Variants in ZNF804B observed in about 807,000 individuals in gnomAD.
The protein encoded by ZNF804B is zinc finger protein 804B, also known as zinc finger 804B.
In ZNF804B, 80 loss-of-function variants were observed where a neutral mutation model predicts 101.4. The observed-to-expected ratio is 0.79, with a 90% CI of 0.66 to 0.95. The LOEUF (loss-of-function observed/expected upper bound fraction) is 0.95, where lower values mean the gene tolerates loss of function less well. Ranked by LOEUF, ZNF804B falls within the 40% of genes least tolerant of loss-of-function variation. The probability of loss-of-function intolerance (pLI) is 0.00; values close to 1 mark genes in which losing one functional copy is unlikely to be tolerated. For missense variants in ZNF804B, 1,673 were observed against 1,561.9 expected, an observed-to-expected ratio of 1.07 and a Z score of -1.20; for synonymous variants, 622 against 558.8, an observed-to-expected ratio of 1.11 and a Z score of -1.59.
chr7:89,278,033 A>G (rs1376139954), intron 2 of ZNF804B, among the ~76,000 whole-genome samples: 1 of 152,088 alleles, frequency 6.6e-6, no homozygotes, highest in Non-Finnish European at 1.5e-5. Context: ...CTTTGTAATG[A>G]TTGCCATTCT....
At chr7:89,062,913 T>C (rs1183698081) in intron 1 of ZNF804B, among the ~76,000 whole-genome samples, 1 of 152,164 alleles carries the variant, frequency 6.6e-6, no homozygotes, top group East Asian at 1.9e-4. Flanking sequence ...GAATAGAAGC[T>C]TAATAGTGGA....
chr7:88,918,117 A>G (rs1470380584), intron 1 of ZNF804B, among the ~76,000 whole-genome samples: 1 of 152,172 alleles, frequency 6.6e-6, no homozygotes, highest in Non-Finnish European at 1.5e-5. Flanking sequence ...CTTCATTTAG[A>G]GAATCTGAAA....
intron 2 of ZNF804B, among the ~76,000 whole-genome samples, chr7:89,280,410 G>T (rs1790072197): frequency 6.6e-6 from 1 of 151,852 alleles, no homozygotes; most frequent in South Asian, 2.1e-4. Context: ...ACTAAAATCA[G>T]AGCAGAACTG....
intron 1 of ZNF804B, among the ~76,000 whole-genome samples, chr7:88,854,811 G>C (rs890512427): frequency 7.7e-6 from 1 of 129,834 alleles, no homozygotes; most frequent in African/African-American, 3.1e-5. Flanking sequence ...GTGTCCATGT[G>C]TTCTCAGTGT....
intron 1 of ZNF804B, chr7:88,795,049 G>T: frequency 3.3e-6 from 3 of 906,046 alleles, no homozygotes; most frequent in Non-Finnish European, 4.5e-6. Context: ...TATTTCTTCT[G>T]ACAAAAAAAA....
chr7:88,963,608 C>A (rs899019939), intron 1 of ZNF804B, among the ~76,000 whole-genome samples: 1 of 151,274 alleles, frequency 6.6e-6, no homozygotes, highest in African/African-American at 2.4e-5. Flanking sequence ...TTTATAATTG[C>A]ATTTGCCTGT....
intron 1 of ZNF804B, among the ~76,000 whole-genome samples, chr7:89,033,523 T>C (rs1007433682): frequency 9.9e-5 from 15 of 152,156 alleles, no homozygotes; most frequent in African/African-American, 3.4e-4. Context: ...TTTAGTATTT[T>C]GTGGAACCTA....
At chr7:89,037,683 C>T (rs952059733) in intron 1 of ZNF804B, among the ~76,000 whole-genome samples, 2 of 151,932 alleles carry the variant, frequency 1.3e-5, no homozygotes, top group Admixed American at 6.6e-5. Context: ...GTTCTACTCT[C>T]TTTGTAAATT....
intron 1 of ZNF804B, among the ~76,000 whole-genome samples, chr7:89,091,804 A>C (rs141771817): frequency 1.2e-3 from 181 of 152,240 alleles, no homozygotes; most frequent in African/African-American, 4.1e-3. Flanking sequence ...TGATACTATG[A>C]GTTTCAGAGG....
At chr7:88,812,188 G>A (rs1790800576) in intron 1 of ZNF804B, among the ~76,000 whole-genome samples, 1 of 152,100 alleles carries the variant, frequency 6.6e-6, no homozygotes, top group African/African-American at 2.4e-5. Flanking sequence ...CCATCCCTAT[G>A]AATCCAAGGA....
rs568073458 is a variant in ZNF804B, at chr7:89,234,789, T to G, written c.249+16494T>G. On this transcript the variant is annotated intron_variant, in intron 2 of 3. Coordinates refer to ENST00000333190, the MANE Select transcript of ZNF804B (RefSeq NM_181646.5). ...GACTTGAATTAGCAGCCTCCTGGGGTCTCTCGGGTGTTCAGCCTCAGACTG... is the reference window on the plus strand; with the variant it reads ...GACTTGAATTAGCAGCCTCCTGGGGGCTCTCGGGTGTTCAGCCTCAGACTG... Among the ~76,000 whole-genome samples the G allele has an allele frequency of 7.2e-5, 11 of 152,184 alleles. No individual in the cohort carries two copies. The South Asian group carries it at 2.3e-3, about 32-fold the overall frequency.
chr7:89,095,657 T>C (rs1789961338), intron 1 of ZNF804B, among the ~76,000 whole-genome samples: 1 of 152,212 alleles, frequency 6.6e-6, no homozygotes, highest in Non-Finnish European at 1.5e-5. Flanking sequence ...GTTACTAGTT[T>C]AGCGTAAAAC....
intron 2 of ZNF804B, among the ~76,000 whole-genome samples, chr7:89,312,138 G>T (rs563628453): frequency 6.6e-6 from 1 of 152,220 alleles, no homozygotes; most frequent in African/African-American, 2.4e-5. Context: ...CAGCCAGGGA[G>T]GTGACTCTAG....
chr7:88,883,904 A>G (rs933822142), intron 1 of ZNF804B, among the ~76,000 whole-genome samples: 6 of 152,028 alleles, frequency 3.9e-5, no homozygotes, highest in African/African-American at 9.7e-5. Flanking sequence ...ATCTTTTTAT[A>G]TATTTATTTT....
intron 1 of ZNF804B, among the ~76,000 whole-genome samples, chr7:89,133,392 C>A (rs1034650595): frequency 6.6e-6 from 1 of 151,988 alleles, no homozygotes; most frequent in African/African-American, 2.4e-5. Flanking sequence ...TCTGAAAGGC[C>A]AACACTGAGA....
chr7:89,198,722 A>C (rs1433305843), intron 1 of ZNF804B, among the ~76,000 whole-genome samples: 1 of 151,908 alleles, frequency 6.6e-6, no homozygotes. Context: ...TACAATAGAA[A>C]ATATATAAAG....
At chr7:88,970,778 A>T (rs1050803000) in intron 1 of ZNF804B, among the ~76,000 whole-genome samples, 7 of 127,042 alleles carry the variant, frequency 5.5e-5, no homozygotes, top group Non-Finnish European at 7.9e-5. Context: ...TGAGAACACA[A>T]GGACACAGGA....
intron 1 of ZNF804B, among the ~76,000 whole-genome samples, chr7:89,160,812 A>T (rs963003834): frequency 1.8e-4 from 27 of 152,160 alleles, no homozygotes; most frequent in Admixed American, 6.6e-4. Flanking sequence ...ACATCATATC[A>T]TCTAGTCTTT....
chr7:88,911,453 T>C (rs1792549238), intron 1 of ZNF804B, among the ~76,000 whole-genome samples: 1 of 148,414 alleles, frequency 6.7e-6, no homozygotes, highest in Non-Finnish European at 1.5e-5. Context: ...TTATATGATT[T>C]ATATATATTT....
Sources: allele counts gnomAD v4.1 joint callset (sites outside exome capture counted in the v4.1 genomes callset), GRCh38; gene constraint gnomAD v4.1.1; transcripts MANE v1.5; gene names NCBI Gene and HGNC (gene_info 2026-07-23, HGNC 2026-07-21).